PLCG2: variants seen among roughly 807,000 people sequenced by gnomAD.
PLCG2 encodes 1-phosphatidylinositol 4,5-bisphosphate phosphodiesterase gamma-2.
A neutral mutation model predicts 175.6 loss-of-function variants in PLCG2; 69 were observed. The observed-to-expected ratio is 0.39, with a 90% confidence interval of 0.32 to 0.48. The LOEUF is 0.48. PLCG2 is among the 20% of genes least tolerant of loss of function. PLCG2 has a pLI of 0.91. For synonymous variants in PLCG2, 827 were observed against 624.0 expected (o/e 1.33, Z -4.85); for missense variants, 1,798 against 1,650.9 (o/e 1.09, Z -1.54).
chr16:81,752,738 C>A (rs749086957), intron 1 of PLCG2, among the ~76,000 whole-genome samples: 1 of 152,214 alleles, frequency 6.6e-6, no homozygotes. Context: ...ACTCCTTGCA[C>A]GGCCAGGGCC....
chr16:81,925,498 C>T (rs1009506734), intron 22 of PLCG2, among the ~76,000 whole-genome samples: 1 of 152,146 alleles, frequency 6.6e-6, no homozygotes, highest in Non-Finnish European at 1.5e-5. Context: ...TGTGTCTCTG[C>T]TAGGTGAATT....
At chr16:81,888,265 C>T (rs1334125878) in intron 9 of PLCG2, among the ~76,000 whole-genome samples, 1 of 152,086 alleles carries the variant, frequency 6.6e-6, no homozygotes, top group Non-Finnish European at 1.5e-5. Flanking sequence ...GGCTGGAGTG[C>T]AATGGTACAA....
At chr16:81,741,261 T>G (rs1909587987) in intron 1 of PLCG2, among the ~76,000 whole-genome samples, 1 of 152,076 alleles carries the variant, frequency 6.6e-6, no homozygotes, top group Non-Finnish European at 1.5e-5. Flanking sequence ...GGCTTTGAGG[T>G]TATTTTAGTT....
rs1239921611 is a variant in PLCG2, at chr16:81,891,540, G to A, written c.936G>A (p.Gln312=). Reference sequence around the variant, plus strand: ...AGAAGTATGACGCGGTGGACATGCAGGACATGAACAACCCCCTGTCTCATT... The same window carrying A: ...AGAAGTATGACGCGGTGGACATGCAAGACATGAACAACCCCCTGTCTCATT... ...WDEKYDAVDM[Q]DMNNPLSHYW... is the part of the protein sequence containing the mutation. The change falls in exon 11 of 33, where the codon CAG becomes CAA. Residue 312 remains glutamine (Q), a synonymous_variant. Transcript: ENST00000564138. The A allele has an allele frequency of 3.7e-6, 6 of 1,612,376 alleles. No homozygotes were observed. The Admixed American group carries it at 8.3e-5, about 22-fold the overall frequency.
upstream of PLCG2, among the ~76,000 whole-genome samples, chr16:81,775,823 T>C (rs376429186): frequency 2.0e-5 from 3 of 152,274 alleles, no homozygotes; most frequent in South Asian, 2.1e-4. Flanking sequence ...CTCTACCCTT[T>C]GAGGTCACTT....
At position 81,905,382 on chromosome 16, in the gene PLCG2, A is replaced by G. The variant is rs770921732; in HGVS notation, c.1363-21A>G. ...ACTTGGGTCTCCATGGAGACAGCCTATGTATATGTTTTCCCCTCAGCATAA... is the reference window on the plus strand; with the variant it reads ...ACTTGGGTCTCCATGGAGACAGCCTGTGTATATGTTTTCCCCTCAGCATAA... On this transcript the variant is annotated intron_variant, in intron 14 of 32. Transcript: ENST00000564138. 8 of 1,563,416 alleles carry G rather than the reference A, an allele frequency of 5.1e-6. No homozygotes were observed. In the African/African-American group the frequency reaches 8.1e-5, roughly 16 times the overall value.
chr16:81,854,406 C>T (rs778637483), intron 2 of PLCG2, 38 bp from the exon 3 acceptor site: 8 of 1,604,972 alleles, frequency 5.0e-6, no homozygotes, highest in Admixed American at 1.7e-5. Flanking sequence ...GTGGAGGGAA[C>T]TCCAGCTTCT....
At chr16:81,770,098 C>T (rs1036507672) in intron 2 of PLCG2, among the ~76,000 whole-genome samples, 2 of 152,134 alleles carry the variant, frequency 1.3e-5, no homozygotes, top group Non-Finnish European at 1.5e-5. Flanking sequence ...CCACCCCCTT[C>T]GCTAACTGCC....
chr16:81,861,046 A>G (rs1906954676), intron 5 of PLCG2, among the ~76,000 whole-genome samples: 1 of 150,196 alleles, frequency 6.7e-6, no homozygotes, highest in South Asian at 2.1e-4. Flanking sequence ...AAAAACCAAA[A>G]AAACCAAAAC....
At chr16:81,914,577 A>G (rs1316004886) in intron 19 of PLCG2, among the ~76,000 whole-genome samples, 2 of 151,988 alleles carry the variant, frequency 1.3e-5, no homozygotes, top group African/African-American at 2.4e-5. Flanking sequence ...GGAAGTTTTT[A>G]TTTTTTAGAA....
At chr16:81,755,373 T>TA (rs1555561546) in intron 1 of PLCG2, among the ~76,000 whole-genome samples, 7 of 149,766 alleles carry the variant, frequency 4.7e-5, no homozygotes, top group Non-Finnish European at 8.9e-5. Context: ...ATTTTGTATT[T>TA]TTTTTTTTTT....
rs201106616 is a variant in PLCG2, at chr16:81,889,142, C to G, written c.766-30C>G. 12 of 1,335,646 alleles carry G rather than the reference C, an allele frequency of 9.0e-6. No homozygotes were observed. The East Asian group carries it at 2.1e-4, about 23-fold the overall frequency. The allele number at this position is 1,335,646 out of a possible 1,614,324, so 82.7% of individuals were successfully genotyped here. A position where few individuals can be genotyped will look rare whatever the true frequency, so the allele number is the denominator to read the frequency against. On this transcript the variant is annotated intron_variant, in intron 9 of 32. Transcript: ENST00000564138. ...AAGAATTTTATCAGTTCTCACTTTG[C>G]TGATCTCTCGTTCTCTTTGTCATTT...
At position 81,857,428 on chromosome 16, in the gene PLCG2, A is replaced by G. The variant is rs577312120; in HGVS notation, c.338-835A>G. On this transcript the variant is annotated intron_variant, in intron 3 of 32. Coordinates refer to ENST00000564138, the MANE Select transcript of PLCG2 (RefSeq NM_002661.5). ...TCCACTGTCTCAGTGTGCTCTGGCT[A>G]CTGTAATGAAATGCTGTAGACTGGG... 9.2e-5 allele frequency among the ~76,000 whole-genome samples: 14 copies of G among 152,276 alleles called. No individual in the cohort carries two copies. The South Asian group carries it at 2.9e-3, about 32-fold the overall frequency.
chr16:81,941,166 T>C (rs1910924492), intron 30 of PLCG2, among the ~76,000 whole-genome samples: 1 of 152,228 alleles, frequency 6.6e-6, no homozygotes, highest in African/African-American at 2.4e-5. Flanking sequence ...TTTTGTATAA[T>C]ATCATAAACC....
At chr16:81,956,364 G>C (rs531162575) in intron 31 of PLCG2, among the ~76,000 whole-genome samples, 1 of 152,232 alleles carries the variant, frequency 6.6e-6, no homozygotes, top group Admixed American at 6.5e-5. Context: ...TTTGCAGTCA[G>C]GTAAAGGCCA....
intron 1 of PLCG2, among the ~76,000 whole-genome samples, chr16:81,746,798 C>A (rs1567692000): frequency 6.6e-6 from 1 of 152,168 alleles, no homozygotes; most frequent in Non-Finnish European, 1.5e-5. Context: ...CCTGACACAC[C>A]TTCATTGCCC....
At chr16:81,846,545 A>G (rs1035809490) in intron 2 of PLCG2, among the ~76,000 whole-genome samples, 3 of 152,206 alleles carry the variant, frequency 2.0e-5, no homozygotes, top group Non-Finnish European at 4.4e-5. Context: ...TTTTATCCTC[A>G]AGGATGAGGC....
At chr16:81,740,367 C>T (rs1477072221) in intron 1 of PLCG2, 2 of 152,144 alleles carry the variant, frequency 1.3e-5, no homozygotes, top group African/African-American at 4.8e-5. Context: ...TTCGACCAGT[C>T]ACAGGGTCAA....
chr16:81,772,193 A>G (rs1326636197), intron 2 of PLCG2, among the ~76,000 whole-genome samples: 1 of 152,084 alleles, frequency 6.6e-6, no homozygotes, highest in Admixed American at 6.6e-5. Flanking sequence ...CAGAGAAAGG[A>G]GAGGGGTATT....
Sources: gnomAD v4.1 joint callset for allele counts (sites outside exome capture counted in the v4.1 genomes callset) on GRCh38, gnomAD v4.1.1 for gene constraint, MANE v1.5 for transcripts, NCBI Gene and HGNC (gene_info 2026-07-23, HGNC 2026-07-21) for gene names.